Variants in ECE1 observed in about 807,000 individuals in gnomAD.
ECE1 encodes the protein endothelin converting enzyme 1.
ECE1 carries 35 observed loss-of-function variants against 98.6 expected under a neutral mutation model. The ratio of observed to expected loss-of-function variants is 0.35; its 90% confidence interval spans 0.27 to 0.47. The LOEUF is 0.47. Ranked by LOEUF, ECE1 falls within the 20% of genes least tolerant of loss-of-function variation. ECE1 has a pLI of 1.00. For synonymous variants in ECE1, 394 were observed against 407.1 expected (o/e 0.97, Z 0.39); for missense variants, 814 against 1,025.3 (o/e 0.79, Z 2.81).
intron 2 of ECE1, among the ~76,000 whole-genome samples, chr1:21,287,102 T>C (rs982035974): frequency 6.6e-6 from 1 of 152,228 alleles, no homozygotes; most frequent in Non-Finnish European, 1.5e-5. Context: ...TTATTAGTTA[T>C]TGGTGTTGAT....
chr1:21,328,981 A>G (rs964979096), intron 1 of ECE1, among the ~76,000 whole-genome samples: 1 of 152,062 alleles, frequency 6.6e-6, no homozygotes, highest in Admixed American at 6.6e-5. Flanking sequence ...GTTCATCATG[A>G]CTGCTGCGAA....
intron 1 of ECE1, among the ~76,000 whole-genome samples, chr1:21,311,341 T>G (rs1450369916): frequency 6.6e-6 from 1 of 151,952 alleles, no homozygotes; most frequent in Non-Finnish European, 1.5e-5. Context: ...GCGTGTCCCA[T>G]GCACCACCAA....
At chr1:21,246,498 C>CAAAAAAA (rs368916726) in intron 9 of ECE1, among the ~76,000 whole-genome samples, 37 of 96,416 alleles carry the variant, frequency 3.8e-4, no homozygotes, top group East Asian at 2.1e-3. Context: ...GACTCCATCT[C>CAAAAAAA]AAAAAAAAAA....
intron 10 of ECE1, chr1:21,238,458 G>T: frequency 1.6e-6 from 1 of 613,306 alleles, no homozygotes; most frequent in Non-Finnish European, 2.9e-6. Flanking sequence ...CAGGCTCTGT[G>T]CTGGGACTTC....
chr1:21,231,706 G>A (rs954139581), intron 14 of ECE1, among the ~76,000 whole-genome samples: 6 of 152,208 alleles, frequency 3.9e-5, no homozygotes, highest in Non-Finnish European at 8.8e-5. Context: ...CCAGGCTGGA[G>A]TGCAGTGGTA....
intron 1 of ECE1, among the ~76,000 whole-genome samples, chr1:21,344,535 T>A (rs1639459051): frequency 6.6e-6 from 1 of 152,198 alleles, no homozygotes; most frequent in Non-Finnish European, 1.5e-5. Flanking sequence ...CAAAGGGCCT[T>A]TGCTCTTGGG....
At chr1:21,343,067 T>TCC (rs1377361885) in intron 1 of ECE1, among the ~76,000 whole-genome samples, 1 of 151,978 alleles carries the variant, frequency 6.6e-6, no homozygotes, top group Non-Finnish European at 1.5e-5. Context: ...GTCACACAGG[T>TCC]CCCCCTCCCG....
At chr1:21,273,728 C>T (rs988010377) in intron 3 of ECE1, among the ~76,000 whole-genome samples, 3 of 152,124 alleles carry the variant, frequency 2.0e-5, no homozygotes, top group Non-Finnish European at 2.9e-5. Flanking sequence ...TTTGGGAGGC[C>T]GACTTAATCA....
intron 4 of ECE1, among the ~76,000 whole-genome samples, chr1:21,270,397 G>T (rs549519300): frequency 6.6e-5 from 10 of 152,240 alleles, no homozygotes; most frequent in Non-Finnish European, 1.5e-4. Flanking sequence ...CAGGCACTGC[G>T]GAAAGGGAGC....
chr1:21,247,274 A>G lies in ECE1; in HGVS notation c.1110T>C (p.Tyr370=). Residue 370 remains tyrosine, a synonymous_variant, in exon 9 of 19, where the codon TAT becomes TAC. Coordinates refer to ENST00000374893, the MANE Select transcript of ECE1 (RefSeq NM_001397.3). ...AGATCTGCTCAAGGTATTCCTTGTC[A>G]TAGACCACAATAGGCTCGGATTCAT... ...EINESEPIVV[Y]DKEYLEQIST... 1 of 1,614,216 alleles carries G rather than the reference A, an allele frequency of 6.2e-7. No individual in the cohort carries two copies. The highest frequency in any genetic ancestry group is 8.5e-7 in the Non-Finnish European group (1 of 1,180,040).
chr1:21,331,492 G>A (rs747198940), intron 1 of ECE1, among the ~76,000 whole-genome samples: 6 of 152,076 alleles, frequency 3.9e-5, no homozygotes, highest in Non-Finnish European at 7.4e-5. Flanking sequence ...TGAGGTGGGA[G>A]GATCGCTTGA....
At chr1:21,295,561 T>G (rs1638333367) in intron 1 of ECE1, among the ~76,000 whole-genome samples, 1 of 152,258 alleles carries the variant, frequency 6.6e-6, no homozygotes, top group African/African-American at 2.4e-5. Flanking sequence ...ACTGCTTCTT[T>G]ACTTTTTAAT....
chr1:21,299,898 C>T (rs1432391401), intron 1 of ECE1: 1 of 152,096 alleles, frequency 6.6e-6, no homozygotes, highest in Non-Finnish European at 1.5e-5. Context: ...GATTTTTTTT[C>T]ATTCCATAGA....
intron 1 of ECE1, among the ~76,000 whole-genome samples, chr1:21,310,341 A>T (rs77527473): frequency 6.6e-6 from 1 of 152,024 alleles, no homozygotes; most frequent in Non-Finnish European, 1.5e-5. Context: ...AGCCCTAGAG[A>T]AAAAAAACCT....
rs376296080 is a variant in ECE1 at position 21,342,709 on chromosome 1, G to A, written c.3+2667C>T. On this transcript the variant is annotated intron_variant, in intron 1 of 18. Coordinates refer to the ECE1 transcript ENST00000415912. ...AAGGACAACTTGGCCACACTGCAAA[G>A]AAGTGAGTGCTGGATTTGTTTAAAA... 5.3e-5 allele frequency among the ~76,000 whole-genome samples: 8 copies of A among 152,152 alleles called. No homozygotes were observed. The East Asian group carries it at 1.5e-3, about 29-fold the overall frequency.
chr1:21,330,451 G>A (rs61781579), intron 1 of ECE1, among the ~76,000 whole-genome samples: 10,912 of 151,650 alleles, frequency 0.072, 529 homozygotes, highest in Middle Eastern at 0.11. Flanking sequence ...GACTGGTCTC[G>A]AACTCCTGGC....
intron 4 of ECE1, 45 bp downstream of exon 4, chr1:21,272,654 C>T: frequency 6.2e-7 from 1 of 1,610,986 alleles, no homozygotes; most frequent in Non-Finnish European, 8.5e-7. Context: ...CAGCTGACAG[C>T]TCCCCGCTGT....
chr1:21,289,141 A>C (rs2098263721), intron 2 of ECE1, among the ~76,000 whole-genome samples: 1 of 152,196 alleles, frequency 6.6e-6, no homozygotes, highest in Non-Finnish European at 1.5e-5. Flanking sequence ...CAGTTCACCA[A>C]GTGGCCCCAA....
intron 4 of ECE1, among the ~76,000 whole-genome samples, chr1:21,261,464 C>T (rs2098226717): frequency 6.6e-6 from 1 of 152,120 alleles, no homozygotes; most frequent in Non-Finnish European, 1.5e-5. Flanking sequence ...CCCCAAGGAG[C>T]TTCTGCATGG....
Sources: allele counts gnomAD v4.1 joint callset (sites outside exome capture counted in the v4.1 genomes callset), GRCh38; gene constraint gnomAD v4.1.1; transcripts MANE v1.5; gene names NCBI Gene and HGNC (gene_info 2026-07-23, HGNC 2026-07-21).